Variants in RMP24 observed in about 807,000 individuals in gnomAD.
RMP24 encodes the protein ribonuclease MRP subunit p24, also known as ribonuclease MRP protein subunit p24.
At chr18:35,979,256 A>C in the RMP24 span, 1 of 253,990 alleles carries the variant, frequency 3.9e-6, no homozygotes, top group Non-Finnish European at 7.5e-6. Context: ...GTGTATGTAT[A>C]TAAAGATAGA....
the RMP24 span, chr18:35,975,216 A>C: frequency 3.9e-6 from 3 of 760,058 alleles, no homozygotes; most frequent in South Asian, 1.9e-5. Context: ...TTGGATTATC[A>C]AAATATATAC....
the RMP24 span, chr18:35,975,032 CTA>C: frequency 6.2e-7 from 1 of 1,614,090 alleles, no homozygotes; most frequent in Non-Finnish European, 8.5e-7. Flanking sequence ...AAGCGAGAAA[CTA>C]TACACTCAGT....
At chr18:35,975,564 C>A in the RMP24 span, among the ~76,000 whole-genome samples, 18 of 152,232 alleles carry the variant, frequency 1.2e-4, 1 homozygote, top group African/African-American at 3.9e-4. Flanking sequence ...TTTGTTCTTT[C>A]AACATTTTAT....
At chr18:35,978,176 G>C in the RMP24 span, among the ~76,000 whole-genome samples, 2 of 152,182 alleles carry the variant, frequency 1.3e-5, no homozygotes, top group African/African-American at 4.8e-5. Flanking sequence ...AACTCTTTTA[G>C]TGTGATCATC....
the RMP24 span, chr18:35,974,898 G>C: frequency 6.2e-7 from 1 of 1,611,340 alleles, no homozygotes; most frequent in Non-Finnish European, 8.5e-7. Flanking sequence ...AATTTTAGAT[G>C]ATAAGAGCAC....
the RMP24 span, among the ~76,000 whole-genome samples, chr18:35,977,860 A>C: frequency 6.6e-6 from 1 of 152,140 alleles, no homozygotes; most frequent in Non-Finnish European, 1.5e-5. Context: ...TCAGTCCCCT[A>C]CATGTTCAAA....
the RMP24 span, chr18:35,973,178 C>T: frequency 3.5e-6 from 2 of 576,464 alleles, no homozygotes; most frequent in South Asian, 2.1e-5. Context: ...TCATTTATTA[C>T]TTCTCGATTT....
At chr18:35,972,690 C>A in the RMP24 span, 1 of 1,574,740 alleles carries the variant, frequency 6.4e-7, no homozygotes, top group South Asian at 1.1e-5. Flanking sequence ...TATTTTCTCA[C>A]CTGGTTCCCG....
chr18:35,977,570 C>T, the RMP24 span: 4 of 1,613,680 alleles, frequency 2.5e-6, no homozygotes, highest in Admixed American at 5.0e-5. Flanking sequence ...ATGTCTGGCT[C>T]GAAAGGCAAG....
the RMP24 span, chr18:35,973,695 C>G: frequency 6.6e-6 from 1 of 152,058 alleles, no homozygotes; most frequent in Non-Finnish European, 1.5e-5. Flanking sequence ...CAGAGGCGGG[C>G]GGATCATTTG....
At chr18:35,976,114 G>C in the RMP24 span, among the ~76,000 whole-genome samples, 2 of 149,710 alleles carry the variant, frequency 1.3e-5, no homozygotes, top group Non-Finnish European at 3.0e-5. Context: ...AGCTAGAAAG[G>C]TGCTAGAGGT....
chr18:35,975,746 G>T, the RMP24 span, among the ~76,000 whole-genome samples: 1 of 152,158 alleles, frequency 6.6e-6, no homozygotes, highest in African/African-American at 2.4e-5. Flanking sequence ...CCTGCTTATT[G>T]TCTATCACTG....
the RMP24 span, chr18:35,979,227 C>T: frequency 1.0e-5 from 4 of 386,894 alleles, no homozygotes; most frequent in Non-Finnish European, 1.4e-5. Flanking sequence ...CTTGTAGATA[C>T]ATATCTATAG....
At chr18:35,972,833 G>A in the RMP24 span, 21 of 1,614,226 alleles carry the variant, frequency 1.3e-5, no homozygotes, top group Non-Finnish European at 1.6e-5. Flanking sequence ...GAAGCGGGAG[G>A]CGAGCGGGTA....
chr18:35,978,754 A>G, the RMP24 span: 3 of 1,226,890 alleles, frequency 2.4e-6, no homozygotes, highest in East Asian at 2.5e-5. Context: ...TAGCCAGTGC[A>G]TGTATATGGC....
chr18:35,975,493 TG>T, the RMP24 span, among the ~76,000 whole-genome samples: 1,504 of 152,332 alleles, frequency 9.9e-3, 25 homozygotes, highest in African/African-American at 0.034. Flanking sequence ...CTTCTTCAGC[TG>T]TCCTCCCACT....
the RMP24 span, chr18:35,978,788 G>T: frequency 6.7e-7 from 1 of 1,497,392 alleles, no homozygotes; most frequent in Non-Finnish European, 8.9e-7. Flanking sequence ...AGTAGAAAAT[G>T]ATTGTCATTT....
At chr18:35,974,283 G>T in the RMP24 span, among the ~76,000 whole-genome samples, 1 of 152,032 alleles carries the variant, frequency 6.6e-6, no homozygotes, top group Non-Finnish European at 1.5e-5. Context: ...AACATTTGAC[G>T]TTGTTATATT....
the RMP24 span, chr18:35,977,707 C>A: frequency 8.6e-7 from 1 of 1,165,696 alleles, no homozygotes; most frequent in Non-Finnish European, 1.2e-6. Context: ...CAGGACTTGG[C>A]CATTTTTCCT....
Sources: gnomAD v4.1 joint callset for allele counts (sites outside exome capture counted in the v4.1 genomes callset) on GRCh38, gnomAD v4.1.1 for gene constraint, MANE v1.5 for transcripts, NCBI Gene and HGNC (gene_info 2026-07-23, HGNC 2026-07-21) for gene names.